The following FTO variants were observed in gnomAD, a reference collection of about 807,000 sequenced individuals.
FTO encodes the protein FTO alpha-ketoglutarate dependent dioxygenase, also known as alpha-ketoglutarate-dependent dioxygenase FTO.
In FTO, 47 loss-of-function variants were observed where a neutral mutation model predicts 63.9. The ratio of observed to expected loss-of-function variants is 0.74; its 90% CI spans 0.58 to 0.94. The LOEUF (loss-of-function observed/expected upper bound fraction) is 0.94. Among genes scored for constraint, FTO ranks in the 40% least tolerant of loss-of-function variants. FTO has a pLI of 0.00. For synonymous variants in FTO, 207 were observed against 224.4 expected, an observed-to-expected ratio of 0.92 and a Z score of 0.69; for missense variants, 562 against 618.1, an observed-to-expected ratio of 0.91 and a Z score of 0.96.
At chr16:53,857,440 GTCTC>G (rs147635985) in intron 4 of FTO, among the ~76,000 whole-genome samples, 68 of 142,020 alleles carry the variant, frequency 4.8e-4, no homozygotes, top group African/African-American at 9.5e-4. Flanking sequence ...TGAGAACCTG[GTCTC>G]TCTCTCTCTC....
intron 1 of FTO, among the ~76,000 whole-genome samples, chr16:53,769,819 C>G (rs2033707465): frequency 6.6e-6 from 1 of 152,128 alleles, no homozygotes; most frequent in African/African-American, 2.4e-5. Context: ...ACATTTTCCT[C>G]TCTGTATTCA....
At chr16:53,816,675 ACTGTAT>A (rs1366983643) in intron 2 of FTO, among the ~76,000 whole-genome samples, 2 of 151,514 alleles carry the variant, frequency 1.3e-5, no homozygotes, top group African/African-American at 4.9e-5. Flanking sequence ...CTCTGATGTC[ACTGTAT>A]CTAGAGGCCT....
At chr16:53,998,338 A>G (rs2083990366) in intron 8 of FTO, 1 of 152,254 alleles carries the variant, frequency 6.6e-6, no homozygotes, top group African/African-American at 2.4e-5. Flanking sequence ...ATCAGCTATT[A>G]AAGGACTTCT....
chr16:53,708,324 C>G (rs1388605768), intron 1 of FTO, among the ~76,000 whole-genome samples: 3 of 150,848 alleles, frequency 2.0e-5, no homozygotes, highest in African/African-American at 7.3e-5. Context: ...CAGATTGTGC[C>G]ACTGCATTCC....
intron 8 of FTO, among the ~76,000 whole-genome samples, chr16:53,951,137 G>A (rs189634604): frequency 1.6e-4 from 24 of 152,312 alleles, no homozygotes; most frequent in African/African-American, 5.3e-4. Context: ...TTAGCACAGG[G>A]TCAAAATACA....
chr16:53,834,161 A>T (rs1024028095), intron 3 of FTO, among the ~76,000 whole-genome samples: 7 of 152,048 alleles, frequency 4.6e-5, no homozygotes, highest in African/African-American at 1.4e-4. Flanking sequence ...AGTAGCTGGG[A>T]CTACAGGCGC....
intron 8 of FTO, among the ~76,000 whole-genome samples, chr16:54,088,293 T>C (rs1201013877): frequency 6.6e-6 from 1 of 152,242 alleles, no homozygotes; most frequent in Admixed American, 6.5e-5. Context: ...AATCTTTCCA[T>C]GTTAGAACAT....
Position 54,106,956 on chromosome 16 carries a change from A to G in FTO, c.1365-4806A>G, listed in dbSNP as rs545909504. Among the ~76,000 whole-genome samples the G allele has an allele frequency of 9.7e-5, 14 of 144,162 alleles. No individual in the cohort carries two copies. In the East Asian group the frequency reaches 2.4e-3, roughly 24 times the overall value. The allele number at this position is 144,162 out of a possible 152,430, so 94.6% of individuals were successfully genotyped here. On this transcript the variant is annotated intron_variant, in intron 8 of 8. Transcript: ENST00000471389. ...TATGTACCTACTATATTATGTATAT[A>G]CTTTATCTCTCTTCCTCCTAAATTT...
intron 7 of FTO, among the ~76,000 whole-genome samples, chr16:53,921,540 A>AG (rs1212485479): frequency 6.6e-6 from 1 of 152,210 alleles, no homozygotes; most frequent in African/African-American, 2.4e-5. Flanking sequence ...TCTGGGAATT[A>AG]GGGGCATGTG....
chr16:54,052,637 G>C (rs1205206965), intron 8 of FTO: 1 of 152,206 alleles, frequency 6.6e-6, no homozygotes, highest in Non-Finnish European at 1.5e-5. Context: ...GAGCATTATG[G>C]TTGATAGGCA....
intron 1 of FTO, among the ~76,000 whole-genome samples, chr16:53,713,415 C>A (rs963724366): frequency 6.6e-6 from 1 of 152,106 alleles, no homozygotes; most frequent in Admixed American, 6.5e-5. Flanking sequence ...CTTTTGGAAC[C>A]TTAATGAAAA....
rs897901564 is a variant in FTO at position 53,972,150 on chromosome 16, T to G, written c.1364+38041T>G. Among the ~76,000 whole-genome samples the G allele has an allele frequency of 7.2e-5, 11 of 152,180 alleles. 1 individual carries two copies. Among genetic ancestry groups the G allele is most frequent in the Admixed American group, 6.5e-4 (10 of 15,284 alleles). On this transcript the variant is annotated intron_variant, in intron 8 of 8. Coordinates refer to ENST00000471389, the MANE Select transcript of FTO (RefSeq NM_001080432.3). ...TAACAACTACAACAAATATTTATCCTGTGCTGAAATGCTCTTTCAGCATTC... is the reference window on the plus strand; with the variant it reads ...TAACAACTACAACAAATATTTATCCGGTGCTGAAATGCTCTTTCAGCATTC...
intron 8 of FTO, among the ~76,000 whole-genome samples, chr16:54,086,001 CAGG>C (rs1480896105): frequency 2.6e-5 from 4 of 152,182 alleles, no homozygotes; most frequent in South Asian, 2.1e-4. Context: ...ACCAAGAACG[CAGG>C]AGGACTACTT....
intron 8 of FTO, among the ~76,000 whole-genome samples, chr16:54,008,805 AAAT>A (rs142826263): frequency 0.089 from 12,541 of 140,584 alleles, 708 homozygotes; most frequent in East Asian, 0.25. Context: ...CTGTCTCCAC[AAAT>A]AATAATAATA....
At chr16:53,920,597 T>C (rs1407666550) in intron 7 of FTO, among the ~76,000 whole-genome samples, 1 of 152,212 alleles carries the variant, frequency 6.6e-6, no homozygotes, top group African/African-American at 2.4e-5. Flanking sequence ...GTCTGCTTAA[T>C]GTTCCAAAGC....
chr16:53,789,951 C>T (rs1407650093), intron 1 of FTO, among the ~76,000 whole-genome samples: 1 of 147,532 alleles, frequency 6.8e-6, no homozygotes, highest in African/African-American at 2.5e-5. Context: ...AATTATAACA[C>T]AAATTATATA....
intron 8 of FTO, among the ~76,000 whole-genome samples, chr16:54,001,025 T>A (rs905217185): frequency 6.6e-6 from 1 of 152,178 alleles, no homozygotes; most frequent in Admixed American, 6.5e-5. Flanking sequence ...TCTAAAGAGC[T>A]TTTCACTTCG....
intron 6 of FTO, among the ~76,000 whole-genome samples, chr16:53,884,537 C>A (rs2080947718): frequency 6.6e-6 from 1 of 152,164 alleles, no homozygotes; most frequent in Admixed American, 6.5e-5. Flanking sequence ...GGGGCGCAGT[C>A]ACACATCTCA....
Position 53,930,216 on chromosome 16 carries a change from A to ATCT in FTO, c.1240-3764_1240-3762dup, listed in dbSNP as rs1449194358. Among the ~76,000 whole-genome samples, 6 of 119,104 alleles carry ATCT rather than the reference A, an allele frequency of 5.0e-5. 1 individual carries two copies. In the East Asian group the frequency reaches 9.2e-4, roughly 18 times the overall value. The allele number at this position is 119,104 out of a possible 152,430, so 78.1% of individuals were successfully genotyped here. ...TTTGTTTATATTTACTTTTATGATTATCTTCTTTTTTTTTTTTTTTTTTTT... is the reference window on the plus strand; with the variant it reads ...TTTGTTTATATTTACTTTTATGATTATCTTCTTCTTTTTTTTTTTTTTTTTTTT... On this transcript the variant is annotated intron_variant, in intron 7 of 8. Coordinates refer to ENST00000471389, the MANE Select transcript of FTO (RefSeq NM_001080432.3).
Sources: gnomAD v4.1 joint callset for allele counts (sites outside exome capture counted in the v4.1 genomes callset) on GRCh38, gnomAD v4.1.1 for gene constraint, MANE v1.5 for transcripts, NCBI Gene and HGNC (gene_info 2026-07-23, HGNC 2026-07-21) for gene names.